The following TRPC6 variants were observed in gnomAD, a reference collection of about 807,000 sequenced individuals.
TRPC6 encodes short transient receptor potential channel 6.
TRPC6 carries 55 observed loss-of-function variants against 90.7 expected under a neutral mutation model. The ratio of observed to expected loss-of-function variants is 0.61; its 90% CI spans 0.49 to 0.76. The LOEUF (loss-of-function observed/expected upper bound fraction) is 0.76, where lower values mean the gene tolerates loss of function less well. Ranked by LOEUF, TRPC6 falls within the 30% of genes least tolerant of loss-of-function variation. The pLI is 0.00. For missense variants in TRPC6, 989 were observed against 1,122.7 expected (o/e 0.88, Z 1.70); for synonymous variants, 393 against 393.0 (o/e 1.00, Z 0.00).
intron 1 of TRPC6, among the ~76,000 whole-genome samples, chr11:101,531,406 A>C (rs1270923031): frequency 6.6e-6 from 1 of 152,248 alleles, no homozygotes; most frequent in African/African-American, 2.4e-5. Context: ...GTCTGGACCC[A>C]AAGTCTGCAT....
rs901535064 is a variant in TRPC6 at position 101,506,793 on chromosome 11, G to A, written c.171-1995C>T. On this transcript the variant is annotated intron_variant, in intron 1 of 12. Coordinates refer to ENST00000344327, the MANE Select transcript of TRPC6 (RefSeq NM_004621.6). ...GTTTTTAATTCCATTTTTAATTTTA[G>A]TAAAGTTATACATGTGCATATTTTA... is the stretch of plus-strand genomic sequence containing the variant. Among the ~76,000 whole-genome samples the A allele has an allele frequency of 4.0e-5, 6 of 151,890 alleles. No individual in the cohort carries two copies. The East Asian group carries it at 1.2e-3, about 29-fold the overall frequency.
intron 1 of TRPC6, among the ~76,000 whole-genome samples, chr11:101,545,485 C>G (rs1173184071): frequency 6.6e-6 from 1 of 152,092 alleles, no homozygotes; most frequent in African/African-American, 2.4e-5. Flanking sequence ...TACATTGCCC[C>G]AACAATTGAT....
intron 1 of TRPC6, among the ~76,000 whole-genome samples, chr11:101,544,785 G>A (rs886791728): frequency 5.9e-5 from 9 of 152,012 alleles, no homozygotes; most frequent in South Asian, 4.1e-4. Flanking sequence ...TGTAGATGAC[G>A]GGTTGATGGG....
chr11:101,554,810 G>A (rs1254223904), intron 1 of TRPC6, among the ~76,000 whole-genome samples: 1 of 152,150 alleles, frequency 6.6e-6, no homozygotes, highest in African/African-American at 2.4e-5. Context: ...TTTCAAAGCT[G>A]AATAACACCC....
rs72974361 is a variant in TRPC6, at chr11:101,554,051, C to T, written c.170+29283G>A. On this transcript the variant is annotated intron_variant, in intron 1 of 12. Coordinates refer to ENST00000344327, the MANE Select transcript of TRPC6 (RefSeq NM_004621.6). ...GAAATACAGAAATAGACACACTGGA[C>T]TCTGCATCAGTTGAAGCTGAATTCA... is the stretch of plus-strand genomic sequence containing the variant. Among the ~76,000 whole-genome samples, 330 of 152,256 alleles carry T rather than the reference C, an allele frequency of 2.2e-3. 1 individual carries two copies. Among genetic ancestry groups the T allele is most frequent in the Non-Finnish European group, 3.9e-3 (263 of 68,022 alleles).
chr11:101,549,948 G>A (rs982997652), intron 1 of TRPC6, among the ~76,000 whole-genome samples: 13 of 151,362 alleles, frequency 8.6e-5, no homozygotes, highest in African/African-American at 2.4e-4. Context: ...GCAGTATAAA[G>A]AATGATATCA....
Position 101,472,391 on chromosome 11 carries a change from T to TA in TRPC6, c.2010-60dup, listed in dbSNP as rs1859312732. On this transcript the variant is annotated intron_variant, in intron 7 of 12. Transcript: ENST00000344327. ...AAAGTGTATAAATAAATAACAATAT[T>TA]ACCATAATAAAAGTGAGTTTGTTTA... The TA allele has an allele frequency of 3.3e-6, 5 of 1,496,996 alleles. No individual in the cohort carries two copies. The South Asian group carries it at 6.1e-5, about 18-fold the overall frequency. 92.7% of individuals were successfully genotyped at this position (1,496,996 alleles called of 1,614,324 possible).
chr11:101,466,185 C>T (rs1859140906), intron 10 of TRPC6, among the ~76,000 whole-genome samples: 1 of 152,152 alleles, frequency 6.6e-6, no homozygotes. Flanking sequence ...ACACAGGGGT[C>T]AGGGACCCAC....
Position 101,471,333 on chromosome 11 carries a change from G to A in TRPC6, c.2259C>T (p.Tyr753=). The change falls in exon 9 of 13, where the codon TAC becomes TAT. Residue 753 remains tyrosine, a synonymous_variant. Coordinates refer to ENST00000344327, the MANE Select transcript of TRPC6 (RefSeq NM_004621.6). ...KFARAKLWFS[Y]FEEGRTLPVP... ...CAGGAAGTGTTCTGCCCTCCTCAAA[G>A]TAGGAAAACCAGAGTTTGGCCCTTG... 2 of 1,613,888 alleles carry A rather than the reference G, an allele frequency of 1.2e-6. No homozygotes were observed. The highest frequency in any genetic ancestry group is 1.7e-6 in the Non-Finnish European group (2 of 1,179,868).
intron 1 of TRPC6, among the ~76,000 whole-genome samples, chr11:101,572,701 C>G (rs1861990262): frequency 6.6e-6 from 1 of 152,148 alleles, no homozygotes; most frequent in Non-Finnish European, 1.5e-5. Context: ...AGTTCATGTC[C>G]TTTGTAGGGA....
At chr11:101,562,540 C>A (rs1861737370) in intron 1 of TRPC6, among the ~76,000 whole-genome samples, 3 of 151,820 alleles carry the variant, frequency 2.0e-5, no homozygotes, top group African/African-American at 4.8e-5. Flanking sequence ...AATTGTAGAA[C>A]CAGTGATTTA....
intron 1 of TRPC6, among the ~76,000 whole-genome samples, chr11:101,558,258 C>T (rs1257054411): frequency 2.3e-5 from 3 of 133,038 alleles, no homozygotes; most frequent in Non-Finnish European, 3.2e-5. Flanking sequence ...TATATGTATA[C>T]ATGTATATGG....
intron 1 of TRPC6, among the ~76,000 whole-genome samples, chr11:101,578,610 T>C (rs1381438236): frequency 2.6e-5 from 3 of 115,492 alleles, no homozygotes; most frequent in Non-Finnish European, 5.5e-5. Flanking sequence ...TTAAAAGTCA[T>C]TTTTTGTTTT....
intron 1 of TRPC6, among the ~76,000 whole-genome samples, chr11:101,510,033 T>C (rs1292890515): frequency 6.6e-6 from 1 of 152,136 alleles, no homozygotes; most frequent in Non-Finnish European, 1.5e-5. Context: ...TCAGCACCCC[T>C]TGCATGAGTA....
chr11:101,573,676 T>A (rs1862011264), intron 1 of TRPC6, among the ~76,000 whole-genome samples: 1 of 152,186 alleles, frequency 6.6e-6, no homozygotes, highest in Non-Finnish European at 1.5e-5. Flanking sequence ...AACATCATAT[T>A]TCATTGAGTG....
chr11:101,529,642 T>C (rs1029663639), intron 1 of TRPC6, among the ~76,000 whole-genome samples: 1 of 152,208 alleles, frequency 6.6e-6, no homozygotes, highest in African/African-American at 2.4e-5. Context: ...AGATACTGCT[T>C]CCTATGTACA....
chr11:101,534,802 T>C (rs542133012), intron 1 of TRPC6, among the ~76,000 whole-genome samples: 69 of 152,266 alleles, frequency 4.5e-4, no homozygotes, highest in African/African-American at 1.3e-3. Flanking sequence ...AAAGGTTTAT[T>C]AGGAGATTTC....
At chr11:101,580,987 T>C (rs1862185177) in intron 1 of TRPC6, among the ~76,000 whole-genome samples, 1 of 152,224 alleles carries the variant, frequency 6.6e-6, no homozygotes, top group African/African-American at 2.4e-5. Context: ...AGTTGATTAT[T>C]CAACTAGAAA....
intron 1 of TRPC6, among the ~76,000 whole-genome samples, chr11:101,582,360 T>C (rs1862216400): frequency 6.6e-6 from 1 of 152,122 alleles, no homozygotes; most frequent in African/African-American, 2.4e-5. Flanking sequence ...AAGCTGTTTA[T>C]AGAGCTGAGA....
Sources: allele counts gnomAD v4.1 joint callset (sites outside exome capture counted in the v4.1 genomes callset), GRCh38; gene constraint gnomAD v4.1.1; transcripts MANE v1.5; gene names NCBI Gene and HGNC (gene_info 2026-07-23, HGNC 2026-07-21).